The following EXO1 variants were observed in gnomAD, a reference collection of about 807,000 sequenced individuals.
EXO1 encodes exonuclease 1.
EXO1 carries 69 observed loss-of-function variants against 84.5 expected under a neutral mutation model. The ratio of observed to expected loss-of-function variants is 0.82; its 90% confidence interval spans 0.67 to 1.00. EXO1 has a LOEUF of 1.00. Ranked by LOEUF, EXO1 falls within the 50% of genes least tolerant of loss-of-function variation. The probability of loss-of-function intolerance (pLI) is 0.00; values close to 1 mark genes in which losing one functional copy is unlikely to be tolerated. For missense variants in EXO1, 1,045 were observed against 1,000.7 expected (o/e 1.04, Z -0.60); for synonymous variants, 373 against 366.1 (o/e 1.02, Z -0.21).
intron 9 of EXO1, 29 bp from the exon 10 acceptor site, chr1:241,861,377 T>C (rs772902358): frequency 1.8e-6 from 2 of 1,093,732 alleles, no homozygotes; most frequent in South Asian, 1.2e-5. Flanking sequence ...TGTTAATAAA[T>C]ACATTTTTCC....
Position 241,867,516 on chromosome 1 carries a change from C to T in EXO1, c.1267+461C>T, listed in dbSNP as rs528537372. 6.6e-5 allele frequency among the ~76,000 whole-genome samples: 10 copies of T among 152,214 alleles called. No individual in the cohort carries two copies. The East Asian group carries it at 9.7e-4, about 15-fold the overall frequency. On this transcript the variant is annotated intron_variant, in intron 11 of 15. Coordinates refer to ENST00000366548, the MANE Select transcript of EXO1 (RefSeq NM_130398.4). ...AGATGAGATTTGGGTGGGGACACAG[C>T]CAAACATTATCATTAGTTTTAGCTC... is the stretch of plus-strand genomic sequence containing the variant.
chr1:241,867,178 TC>T, intron 11 of EXO1, 123 bp downstream of exon 11: 1 of 768,080 alleles, frequency 1.3e-6, no homozygotes. Context: ...GTTGTATTAG[TC>T]CATTTTCACC....
chr1:241,850,307 T>A, intron 3 of EXO1, 102 bp from the exon 4 acceptor site: 1 of 830,434 alleles, frequency 1.2e-6, no homozygotes, highest in South Asian at 1.5e-5. Context: ...ACAAACCAAT[T>A]TCTGCATTGG....
chr1:241,885,471 A>C lies in EXO1; in HGVS notation c.2369A>C (p.Lys790Thr), dbSNP rs1270394614. ...NAENKPGLQI[K>T]LNELWKNFGF... Reference sequence around the variant, plus strand: ...GAGAACAAGCCGGGGTTACAGATCAAACTCAATGAGCTCTGGAAAAACTTT... The same window carrying C: ...GAGAACAAGCCGGGGTTACAGATCACACTCAATGAGCTCTGGAAAAACTTT... Residue 790 changes from lysine (K) to threonine (T), a missense_variant, in exon 15 of 16, where the codon AAA becomes ACA. Transcript: ENST00000366548. 2.5e-6 allele frequency: 4 copies of C among 1,613,698 alleles called. No homozygotes were observed. Among genetic ancestry groups the C allele is most frequent in the Non-Finnish European group, 3.4e-6 (4 of 1,179,834 alleles).
At chr1:241,850,935 A>T (rs946705779) in intron 4 of EXO1, among the ~76,000 whole-genome samples, 7 of 149,208 alleles carry the variant, frequency 4.7e-5, no homozygotes, top group Non-Finnish European at 8.9e-5. Flanking sequence ...CCCAGGTTCA[A>T]GCAATTCTCC....
chr1:241,874,635 C>T (rs1454848560), intron 12 of EXO1, among the ~76,000 whole-genome samples: 1 of 152,140 alleles, frequency 6.6e-6, no homozygotes, highest in African/African-American at 2.4e-5. Context: ...AGTCAGGCTT[C>T]CTGGAATCTT....
rs1663012127 is a variant in EXO1 at position 241,885,487 on chromosome 1, G to T, written c.2385G>T (p.Trp795Cys). ...PGLQIKLNEL[W>C]KNFGFKKDSE... ...TACAGATCAAACTCAATGAGCTCTG[G>T]AAAAACTTTGGATTTAAAAAGTGAG... The change falls in exon 15 of 16, where the codon TGG becomes TGT. Residue 795 changes from tryptophan to cysteine, a missense_variant. Transcript: ENST00000366548. The T allele has an allele frequency of 2.5e-6, 4 of 1,613,386 alleles. No homozygotes were observed. Among genetic ancestry groups the T allele is most frequent in the Non-Finnish European group, 3.4e-6 (4 of 1,179,460 alleles).
rs1405124757 is a variant in EXO1 at position 241,861,527 on chromosome 1, G to A, written c.1041+25G>A. 3 of 1,206,102 alleles carry A rather than the reference G, an allele frequency of 2.5e-6. No individual in the cohort carries two copies. In the Admixed American group the frequency reaches 5.0e-5, roughly 20 times the overall value. The allele number at this position is 1,206,102 out of a possible 1,614,324, so 74.7% of individuals were successfully genotyped here. On this transcript the variant is annotated intron_variant, in intron 10 of 15. Coordinates refer to ENST00000366548, the MANE Select transcript of EXO1 (RefSeq NM_130398.4). ...GGTAACGTTTTGATGACCACCCTAT[G>A]AAAACACGTTTTAGTTATGTCCCGA...
Position 241,857,536 on chromosome 1 carries a change from T to C in EXO1, c.543+54T>C. ...TTTTCTATGTAGATAGTAGTGTAAA[T>C]CAAGGAGCTGAAATTTTTCCTGTCC... On this transcript the variant is annotated intron_variant, in intron 7 of 15. Transcript: ENST00000366548. 6 of 1,276,386 alleles carry C rather than the reference T, an allele frequency of 4.7e-6. No homozygotes were observed. The South Asian group carries it at 1.0e-4, about 21-fold the overall frequency. 79.1% of individuals were successfully genotyped at this position (1,276,386 alleles called of 1,614,324 possible). A position where few individuals can be genotyped will look rare whatever the true frequency, so the allele number is the denominator to read the frequency against.
Position 241,860,697 on chromosome 1 carries a change from G to T in EXO1, c.937G>T (p.Ala313Ser), listed in dbSNP as rs368542606. Residue 313 changes from alanine (A) to serine (S), a missense_variant, in exon 9 of 16, where the codon GCT becomes TCT. Transcript: ENST00000366548. Reference sequence around the variant, plus strand: ...TGTTGATCCTGAAACACTAAGCTACGCTGGGCAGTATCCTTTCTGAAACAG... The same window carrying T: ...TGTTGATCCTGAAACACTAAGCTACTCTGGGCAGTATCCTTTCTGAAACAG... ...DDVDPETLSY[A>S]GQYVDDSIAL... The T allele has an allele frequency of 1.8e-5, 29 of 1,611,538 alleles. No homozygotes were observed. The highest frequency in any genetic ancestry group is 6.7e-5 in the East Asian group (3 of 44,862).
intron 13 of EXO1, 146 bp from the exon 14 acceptor site, chr1:241,881,770 C>T (rs980140577): frequency 4.0e-6 from 2 of 505,700 alleles, no homozygotes; most frequent in Non-Finnish European, 7.1e-6. Flanking sequence ...TGGCAAATAT[C>T]ATCCTTTCCA....
intron 3 of EXO1, 61 bp from the exon 4 acceptor site, chr1:241,850,348 T>C (rs1477996349): frequency 1.8e-6 from 2 of 1,134,496 alleles, no homozygotes; most frequent in Non-Finnish European, 2.7e-6. Context: ...TTGTCTAAGA[T>C]GTTTTAATAA....
intron 9 of EXO1, 107 bp from the exon 10 acceptor site, chr1:241,861,299 A>T (rs890380343): frequency 1.4e-6 from 1 of 714,008 alleles, no homozygotes. Flanking sequence ...CATTTAAGTC[A>T]TAAACCTATG....
intron 4 of EXO1, 56 bp downstream of exon 4, chr1:241,850,642 CT>C (rs1011021374): frequency 1.3e-5 from 18 of 1,408,652 alleles, no homozygotes; most frequent in African/African-American, 1.4e-5. Context: ...CCTACAGTGC[CT>C]TTTTTTCTCC....
intron 14 of EXO1, among the ~76,000 whole-genome samples, chr1:241,882,843 A>T (rs889840699): frequency 2.6e-5 from 4 of 152,210 alleles, no homozygotes; most frequent in Non-Finnish European, 5.9e-5. Flanking sequence ...GTATAGTGAG[A>T]TAATCACATG....
Position 241,860,558 on chromosome 1 carries a change from G to A in EXO1, c.798G>A (p.Thr266=), listed in dbSNP as rs745732917. The change falls in exon 9 of 16, where the codon ACG becomes ACA. Residue 266 remains threonine (T), a synonymous_variant. Transcript: ENST00000366548. ...KIGHYLKMNI[T]VPEDYINGFI... ...GACATTATCTCAAGATGAATATCAC[G>A]GTACCAGAGGATTACATCAACGGGT... The A allele has an allele frequency of 1.4e-5, 22 of 1,613,788 alleles. No individual in the cohort carries two copies. Among genetic ancestry groups the A allele is most frequent in the South Asian group, 6.6e-5 (6 of 91,070 alleles).
intron 10 of EXO1, among the ~76,000 whole-genome samples, chr1:241,862,025 G>A (rs374381078): frequency 9.1e-4 from 139 of 152,146 alleles, no homozygotes; most frequent in South Asian, 6.4e-3. Flanking sequence ...CACAACCTCC[G>A]CCTCCCAGGT....
At chr1:241,880,059 C>T (rs1240957668) in intron 13 of EXO1, among the ~76,000 whole-genome samples, 3 of 151,412 alleles carry the variant, frequency 2.0e-5, no homozygotes, top group East Asian at 3.9e-4. Flanking sequence ...CCTGTTAATG[C>T]AATGGTATTC....
intron 12 of EXO1, among the ~76,000 whole-genome samples, chr1:241,877,596 C>T (rs1662471268): frequency 6.6e-6 from 1 of 152,018 alleles, no homozygotes; most frequent in Admixed American, 6.5e-5. Context: ...GAACTAATGC[C>T]TATTAAGGAG....
Sources: gnomAD v4.1 joint callset for allele counts (sites outside exome capture counted in the v4.1 genomes callset) on GRCh38, gnomAD v4.1.1 for gene constraint, MANE v1.5 for transcripts, NCBI Gene and HGNC (gene_info 2026-07-23, HGNC 2026-07-21) for gene names.